The following TMTC2 variants were observed in gnomAD, a reference collection of about 807,000 sequenced individuals.
TMTC2 encodes the protein transmembrane O-mannosyltransferase targeting cadherins 2.
In TMTC2, 43 loss-of-function variants were observed where a neutral mutation model predicts 82.4. That is an observed-to-expected ratio of 0.52 (90% CI 0.41 to 0.67). TMTC2 has a LOEUF of 0.67. Among genes scored for constraint, TMTC2 ranks in the 30% least tolerant of loss-of-function variants. The pLI is 0.00. For missense variants in TMTC2, 919 were observed against 1,012.4 expected (o/e 0.91, Z 1.25); for synonymous variants, 408 against 381.9 (o/e 1.07, Z -0.80).
intron 11 of TMTC2, among the ~76,000 whole-genome samples, chr12:83,084,373 CAT>C (rs1256769838): frequency 6.6e-6 from 1 of 152,098 alleles, no homozygotes; most frequent in Admixed American, 6.5e-5. Context: ...CTTTTAAAAA[CAT>C]AACTTACATA....
At chr12:82,754,652 G>T (rs904610342) in intron 1 of TMTC2, among the ~76,000 whole-genome samples, 1 of 152,078 alleles carries the variant, frequency 6.6e-6, no homozygotes, top group Non-Finnish European at 1.5e-5. Flanking sequence ...TGGGAGAATC[G>T]CTTGAACCTG....
At chr12:82,767,102 C>G (rs1877008896) in intron 1 of TMTC2, among the ~76,000 whole-genome samples, 1 of 152,122 alleles carries the variant, frequency 6.6e-6, no homozygotes, top group African/African-American at 2.4e-5. Flanking sequence ...CTCCTTCATA[C>G]CTGTCACTGT....
intron 1 of TMTC2, among the ~76,000 whole-genome samples, chr12:82,716,361 A>ATT (rs750327404): frequency 0.036 from 4,593 of 128,996 alleles, 177 homozygotes; most frequent in East Asian, 0.11. Flanking sequence ...TGTCTGGTAC[A>ATT]TTTTTTTTTT....
intron 11 of TMTC2, among the ~76,000 whole-genome samples, chr12:83,098,700 AGG>A (rs1884113528): frequency 6.6e-6 from 1 of 152,206 alleles, no homozygotes; most frequent in Admixed American, 6.5e-5. Flanking sequence ...AGCTCGAGCA[AGG>A]GGGACCCGAC....
At chr12:82,866,890 T>C (rs1028099054) in intron 2 of TMTC2, among the ~76,000 whole-genome samples, 3 of 152,230 alleles carry the variant, frequency 2.0e-5, no homozygotes, top group South Asian at 2.1e-4. Context: ...AACTGACTTA[T>C]GTCAAATGCA....
intron 1 of TMTC2, among the ~76,000 whole-genome samples, chr12:82,825,284 G>C (rs1306671485): frequency 6.6e-6 from 1 of 152,118 alleles, no homozygotes; most frequent in Non-Finnish European, 1.5e-5. Flanking sequence ...GAAATACAAA[G>C]TATTTATAAC....
intron 1 of TMTC2, among the ~76,000 whole-genome samples, chr12:82,848,704 T>C (rs182238344): frequency 6.6e-6 from 1 of 152,176 alleles, no homozygotes; most frequent in Admixed American, 6.5e-5. Flanking sequence ...TTTCAAAGCA[T>C]ACATTTCTTC....
intron 9 of TMTC2, among the ~76,000 whole-genome samples, chr12:83,050,349 G>T (rs12814295): frequency 0.29 from 43,954 of 152,006 alleles, 7,770 homozygotes; most frequent in South Asian, 0.41. Context: ...TTGAGGTACA[G>T]TTGAAAGAGT....
intron 3 of TMTC2, among the ~76,000 whole-genome samples, chr12:82,927,821 G>A (rs1875811992): frequency 6.6e-6 from 1 of 152,092 alleles, no homozygotes; most frequent in South Asian, 2.1e-4. Context: ...GCATTTTTTA[G>A]CAACAAAGTA....
At chr12:83,014,707 A>G (rs948586116) in intron 8 of TMTC2, among the ~76,000 whole-genome samples, 1 of 133,520 alleles carries the variant, frequency 7.5e-6, no homozygotes, top group Admixed American at 8.1e-5. Context: ...ATTTAGGTAT[A>G]AAAGGTCTAG....
chr12:82,707,724 A>G (rs1250317852), intron 1 of TMTC2, among the ~76,000 whole-genome samples: 1 of 152,180 alleles, frequency 6.6e-6, no homozygotes, highest in East Asian at 1.9e-4. Context: ...GTGACACTAT[A>G]TGGAATAGGT....
intron 11 of TMTC2, among the ~76,000 whole-genome samples, chr12:83,086,797 A>T (rs1413354744): frequency 6.6e-6 from 1 of 152,228 alleles, no homozygotes; most frequent in Non-Finnish European, 1.5e-5. Flanking sequence ...ATTACTAAAA[A>T]ATGCTAACGG....
At chr12:83,002,114 T>A (rs1460867047) in intron 8 of TMTC2, among the ~76,000 whole-genome samples, 1 of 152,144 alleles carries the variant, frequency 6.6e-6, no homozygotes, top group East Asian at 1.9e-4. Context: ...GGAAATCTTT[T>A]TTGGTGGTTA....
intron 11 of TMTC2, among the ~76,000 whole-genome samples, chr12:83,086,315 G>A (rs573391461): frequency 8.5e-5 from 13 of 152,222 alleles, no homozygotes; most frequent in South Asian, 6.2e-4. Context: ...GGCACTCCTC[G>A]TTTCCCATAT....
chr12:82,830,660 C>T (rs574640971), intron 1 of TMTC2, among the ~76,000 whole-genome samples: 8 of 151,872 alleles, frequency 5.3e-5, no homozygotes, highest in South Asian at 4.2e-4. Context: ...TAGTTTTATG[C>T]GTTAAAAATA....
intron 1 of TMTC2, among the ~76,000 whole-genome samples, chr12:82,821,520 TTAAG>T (rs1869110493): frequency 6.6e-6 from 1 of 152,150 alleles, no homozygotes; most frequent in Non-Finnish European, 1.5e-5. Context: ...CTTAGAAAGA[TTAAG>T]TAACTTCATT....
intron 9 of TMTC2, among the ~76,000 whole-genome samples, chr12:83,036,536 A>G (rs1311660536): frequency 6.7e-6 from 1 of 150,228 alleles, no homozygotes; most frequent in Non-Finnish European, 1.5e-5. Context: ...ATAGATCCTA[A>G]TTACATTTGA....
intron 1 of TMTC2, among the ~76,000 whole-genome samples, chr12:82,705,334 TA>T (rs1464555020): frequency 1.3e-5 from 2 of 152,030 alleles, no homozygotes; most frequent in African/African-American, 4.8e-5. Flanking sequence ...CCTATGGAGA[TA>T]AAAAAAATTC....
intron 1 of TMTC2, among the ~76,000 whole-genome samples, chr12:82,825,063 T>C (rs368734653): frequency 1.3e-5 from 2 of 150,634 alleles, no homozygotes; most frequent in South Asian, 4.2e-4. Context: ...CATTCCAGTC[T>C]GAGTGACAAA....
Sources: gnomAD v4.1 joint callset for allele counts (sites outside exome capture counted in the v4.1 genomes callset) on GRCh38, gnomAD v4.1.1 for gene constraint, MANE v1.5 for transcripts, NCBI Gene and HGNC (gene_info 2026-07-23, HGNC 2026-07-21) for gene names.